Variants in MTHFD1L observed in about 807,000 individuals in gnomAD.
MTHFD1L encodes monofunctional C1-tetrahydrofolate synthase, mitochondrial.
Under a neutral mutation model 119.5 loss-of-function variants are expected in MTHFD1L, and 81 were observed. The observed-to-expected ratio is 0.68, with a 90% confidence interval of 0.57 to 0.82. MTHFD1L has a LOEUF of 0.82. Ranked by LOEUF, MTHFD1L falls within the 40% of genes least tolerant of loss-of-function variation. The pLI, the probability that MTHFD1L is intolerant of heterozygous loss-of-function variation, is 0.00. For synonymous variants in MTHFD1L, 430 were observed against 475.2 expected (o/e 0.90, Z 1.24); for missense variants, 1,125 against 1,253.4 (o/e 0.90, Z 1.55).
intron 20 of MTHFD1L, chr6:150,985,010 A>G (rs1048296543): frequency 5.9e-5 from 9 of 152,126 alleles, no homozygotes; most frequent in Non-Finnish European, 1.3e-4. Context: ...CCTCCCCCAA[A>G]TCTAGGTTTC....
rs866519696 is a variant in MTHFD1L, at chr6:150,944,570, C to T, written c.1525C>T (p.His509Tyr). 8 of 1,613,710 alleles carry T rather than the reference C, an allele frequency of 5.0e-6. No individual in the cohort carries two copies. In the African/African-American group the frequency reaches 8.0e-5, roughly 16 times the overall value. ...LAAAIDTRILHENTQTDKALY... is the reference protein window; with the variant it reads ...LAAAIDTRILYENTQTDKALY... The stretch of plus-strand genomic sequence containing the variant: ...TGCCGCCATCGACACGAGGATTCTT[C>T]ATGAAAACACGCAAACAGATAAGGT... Residue 509 changes from histidine to tyrosine, a missense_variant, in exon 14 of 28, where the codon CAT (histidine) becomes TAT (tyrosine). Physicochemically the swap from His to Tyr is moderately conservative, Grantham distance 83. Transcript: ENST00000367321.
chr6:151,083,786 T>C (rs953578416), intron 26 of MTHFD1L, among the ~76,000 whole-genome samples: 7 of 152,202 alleles, frequency 4.6e-5, no homozygotes, highest in African/African-American at 1.7e-4. Flanking sequence ...GTACAAAAAA[T>C]CTGTGTATTC....
At chr6:151,059,884 A>C (rs1790426195) in intron 26 of MTHFD1L, among the ~76,000 whole-genome samples, 1 of 152,128 alleles carries the variant, frequency 6.6e-6, no homozygotes, top group Non-Finnish European at 1.5e-5. Context: ...TGATGCTTTC[A>C]GTGGGTTTTG....
At chr6:151,081,498 C>CAAAAA (rs56795003) in intron 26 of MTHFD1L, among the ~76,000 whole-genome samples, 3 of 98,192 alleles carry the variant, frequency 3.1e-5, no homozygotes, top group South Asian at 3.3e-4. Context: ...ACTAAAAATG[C>CAAAAA]AAAAAAAAAA....
intron 4 of MTHFD1L, among the ~76,000 whole-genome samples, chr6:150,879,402 C>G (rs906928621): frequency 6.6e-6 from 1 of 152,100 alleles, no homozygotes; most frequent in Non-Finnish European, 1.5e-5. Context: ...ATTCTCCTGC[C>G]TCAGCCTCCC....
At chr6:150,929,210 T>C (rs970134054) in intron 11 of MTHFD1L, among the ~76,000 whole-genome samples, 3 of 152,190 alleles carry the variant, frequency 2.0e-5, no homozygotes, top group African/African-American at 7.2e-5. Context: ...GCTTGATGCA[T>C]ATTTGTCTGC....
chr6:151,048,741 T>A lies in MTHFD1L; in HGVS notation c.2847+11624T>A, dbSNP rs140794856. On this transcript the variant is annotated intron_variant, in intron 26 of 27. Coordinates refer to ENST00000367321, the MANE Select transcript of MTHFD1L (RefSeq NM_015440.5). ...GACTAAAAAACCAGGCCCAAACACA[T>A]TCTATTCATGTGCTTAGATATGGAC... 7.9e-5 allele frequency among the ~76,000 whole-genome samples: 12 copies of A among 152,296 alleles called. 1 individual carries two copies. The East Asian group carries it at 2.3e-3, about 29-fold the overall frequency.
chr6:151,075,011 A>G (rs1466968588), intron 26 of MTHFD1L, among the ~76,000 whole-genome samples: 1 of 152,212 alleles, frequency 6.6e-6, no homozygotes, highest in Non-Finnish European at 1.5e-5. Context: ...ATAGTTAACA[A>G]AGTTAATATA....
intron 7 of MTHFD1L, among the ~76,000 whole-genome samples, chr6:150,890,116 A>G (rs1782975892): frequency 6.6e-6 from 1 of 152,166 alleles, no homozygotes. Flanking sequence ...AGATCACACC[A>G]TTGTACTCCA....
chr6:151,006,423 G>A (rs529087), intron 20 of MTHFD1L, among the ~76,000 whole-genome samples: 54,582 of 151,952 alleles, frequency 0.36, 12,201 homozygotes, highest in African/African-American at 0.62. Context: ...CTGAGGCAGG[G>A]AGTGTGAAGG....
Position 150,866,001 on chromosome 6 carries a change from G to C in MTHFD1L, c.179G>C (p.Ser60Thr). ...RRPQDGQARSSCSPGGRTPAA... is the reference protein window; with the variant it reads ...RRPQDGQARSTCSPGGRTPAA... ...CCGCAGGATGGCCAGGCCCGGAGCA[G>C]CTGCAGCCCCGGCGGCCGAACGCCC... Residue 60 changes from serine to threonine, a missense_variant, in exon 1 of 28, where the codon AGC becomes ACC. Ser to Thr is a moderately conservative substitution (Grantham distance 58). Transcript: ENST00000367321. 7.3e-7 allele frequency: 1 copy of C among 1,368,574 alleles called. No individual in the cohort carries two copies. The highest frequency in any genetic ancestry group is 1.7e-5 in the South Asian group (1 of 58,084). The allele number at this position is 1,368,574 out of a possible 1,614,324, so 84.8% of individuals were successfully genotyped here.
rs143892636 is a variant in MTHFD1L at position 150,949,083 on chromosome 6, G to A, written c.1676G>A (p.Ser559Asn). Reference protein sequence around the residue: ...DPSTLTEEEVSKFARLDIDPS... With the variant: ...DPSTLTEEEVNKFARLDIDPS... ...AGCACACTGACAGAAGAGGAAGTGA[G>A]TAAATTTGCCCGTCTCGACATCGAC... Residue 559 changes from serine to asparagine, a missense_variant, in exon 16 of 28, where the codon AGT becomes AAT. Physicochemically the swap from Ser to Asn is conservative, Grantham distance 46. This residue lies in a region of MTHFD1L where 1,058 missense variants were observed against 1,151.2 expected (regional missense o/e 0.92). Coordinates refer to ENST00000367321, the MANE Select transcript of MTHFD1L (RefSeq NM_015440.5). 34 of 1,614,102 alleles carry A rather than the reference G, an allele frequency of 2.1e-5. No individual in the cohort carries two copies. The Middle Eastern group carries it at 5.0e-4, about 24-fold the overall frequency.
chr6:150,920,799 G>A (rs1171869876), intron 9 of MTHFD1L, among the ~76,000 whole-genome samples: 1 of 151,970 alleles, frequency 6.6e-6, no homozygotes, highest in Non-Finnish European at 1.5e-5. Context: ...TTGAGACGGG[G>A]TCTCACTGTG....
intron 20 of MTHFD1L, among the ~76,000 whole-genome samples, chr6:150,977,479 T>C (rs1583911595): frequency 6.6e-6 from 1 of 152,116 alleles, no homozygotes; most frequent in Non-Finnish European, 1.5e-5. Flanking sequence ...CTCATGGGAG[T>C]TCACCTAACT....
intron 10 of MTHFD1L, among the ~76,000 whole-genome samples, chr6:150,923,544 C>CTTTTTT: frequency 1.9e-5 from 1 of 53,228 alleles, no homozygotes; most frequent in Non-Finnish European, 4.0e-5. Context: ...TTTATTTTTT[C>CTTTTTT]TTTTTTTTTT....
chr6:150,902,359 G>C (rs375938762), intron 7 of MTHFD1L, among the ~76,000 whole-genome samples: 1 of 152,186 alleles, frequency 6.6e-6, no homozygotes, highest in African/African-American at 2.4e-5. Flanking sequence ...TCTGCCTGGG[G>C]AGTGGGGTGG....
intron 27 of MTHFD1L, among the ~76,000 whole-genome samples, chr6:151,095,041 GTTTGTT>G (rs1257290452): frequency 2.0e-5 from 3 of 152,192 alleles, no homozygotes; most frequent in African/African-American, 7.2e-5. Context: ...GTGTGAAATT[GTTTGTT>G]TTGAGTTGTG....
chr6:150,964,503 T>A (rs1796915594), intron 18 of MTHFD1L, among the ~76,000 whole-genome samples: 1 of 152,214 alleles, frequency 6.6e-6, no homozygotes, highest in Admixed American at 6.5e-5. Flanking sequence ...GATGTAGAGA[T>A]GGTGAGAAAT....
At chr6:151,029,061 A>G (rs35596060) in intron 24 of MTHFD1L, among the ~76,000 whole-genome samples, 30,002 of 152,112 alleles carry the variant, frequency 0.2, 3,546 homozygotes, top group Middle Eastern at 0.3. Flanking sequence ...CCTGGGTCAC[A>G]AAAAAAGAAA....
Sources: allele counts gnomAD v4.1 joint callset (sites outside exome capture counted in the v4.1 genomes callset), GRCh38; gene constraint gnomAD v4.1.1; regional missense constraint gnomAD v4.1.1; transcripts MANE v1.5; gene names NCBI Gene and HGNC (gene_info 2026-07-23, HGNC 2026-07-21).